Variants in EYS observed in about 807,000 individuals in gnomAD.
EYS encodes the protein protein eyes shut homolog.
Under a neutral mutation model 282.1 loss-of-function variants are expected in EYS, and 250 were observed. The ratio of observed to expected loss-of-function variants is 0.89; its 90% confidence interval spans 0.80 to 0.98. EYS has a LOEUF of 0.98. EYS is among the 50% of genes least tolerant of loss of function. The pLI is 0.00. For synonymous variants in EYS, 1,355 were observed against 1,282.9 expected (o/e 1.06, Z -1.20); for missense variants, 4,016 against 3,709.0 (o/e 1.08, Z -2.15).
chr6:65,657,965 A>G (rs891210274), intron 1 of EYS, among the ~76,000 whole-genome samples: 1 of 151,870 alleles, frequency 6.6e-6, no homozygotes, highest in Non-Finnish European at 1.5e-5. Flanking sequence ...AAACATCATA[A>G]CTTGCTGGAG....
chr6:65,701,542 A>G (rs1164041033), intron 1 of EYS, among the ~76,000 whole-genome samples: 1 of 152,196 alleles, frequency 6.6e-6, no homozygotes, highest in East Asian at 1.9e-4. Flanking sequence ...CAGTTTAAAC[A>G]TTAACTTGCA....
At chr6:65,559,326 G>A (rs1768941224) in intron 2 of EYS, among the ~76,000 whole-genome samples, 1 of 152,118 alleles carries the variant, frequency 6.6e-6, no homozygotes, top group Admixed American at 6.5e-5. Context: ...AGGTTGCAGT[G>A]AGCTGAGATC....
rs1463283418 is a variant in EYS, at chr6:63,909,956, T to C, written c.7056-45598A>G. Among the ~76,000 whole-genome samples, 7 of 152,056 alleles carry C rather than the reference T, an allele frequency of 4.6e-5. No individual in the cohort carries two copies. The South Asian group carries it at 1.5e-3, about 32-fold the overall frequency. On this transcript the variant is annotated intron_variant, in intron 35 of 42. Coordinates refer to ENST00000503581, the MANE Select transcript of EYS (RefSeq NM_001142800.2). ...GGTCATGAAGTGATATTTTTAAAAA[T>C]GAGGGAGGATGACACCTCTAAAAGA...
chr6:64,886,580 C>T (rs1767092307), intron 19 of EYS, 117 bp downstream of exon 19: 3 of 659,678 alleles, frequency 4.5e-6, no homozygotes, highest in South Asian at 8.7e-5. Flanking sequence ...TATCTCTTGA[C>T]ATTTTTGCCC....
chr6:65,646,118 A>T (rs911549529), intron 1 of EYS, among the ~76,000 whole-genome samples: 4 of 152,198 alleles, frequency 2.6e-5, no homozygotes, highest in Non-Finnish European at 4.4e-5. Context: ...AATTCAAACG[A>T]ATTCTACTGA....
At chr6:63,983,513 T>C (rs1767203896) in intron 35 of EYS, among the ~76,000 whole-genome samples, 1 of 151,788 alleles carries the variant, frequency 6.6e-6, no homozygotes, top group South Asian at 2.1e-4. Flanking sequence ...AATCCTGCTT[T>C]TTTGATAAAA....
At chr6:65,012,580 A>T (rs545550404) in intron 13 of EYS, among the ~76,000 whole-genome samples, 36 of 152,252 alleles carry the variant, frequency 2.4e-4, no homozygotes, top group African/African-American at 8.7e-4. Context: ...AAAGGTTTCA[A>T]AGTTGAGAAG....
chr6:64,092,842 G>A (rs1370650707), intron 31 of EYS, among the ~76,000 whole-genome samples: 1 of 151,656 alleles, frequency 6.6e-6, no homozygotes, highest in African/African-American at 2.4e-5. Context: ...CCTATGTCCT[G>A]AATGGTATTG....
chr6:64,982,311 T>C (rs536757441), intron 14 of EYS, among the ~76,000 whole-genome samples: 1 of 151,498 alleles, frequency 6.6e-6, no homozygotes, highest in South Asian at 2.1e-4. Context: ...CAAAGCAAGT[T>C]TAATTATAGT....
At chr6:64,276,971 C>G (rs959598776) in intron 30 of EYS, among the ~76,000 whole-genome samples, 9 of 152,196 alleles carry the variant, frequency 5.9e-5, no homozygotes, top group Admixed American at 6.5e-5. Context: ...AAATATATGA[C>G]AGCTAATTTA....
chr6:65,480,701 T>A (rs1029215292), intron 5 of EYS, among the ~76,000 whole-genome samples: 5 of 152,132 alleles, frequency 3.3e-5, no homozygotes, highest in African/African-American at 1.2e-4. Context: ...ATATATGGAA[T>A]CAACCTAGAT....
At chr6:65,372,001 A>T (rs969332652) in intron 8 of EYS, among the ~76,000 whole-genome samples, 11 of 151,830 alleles carry the variant, frequency 7.2e-5, no homozygotes, top group Non-Finnish European at 1.3e-4. Flanking sequence ...TGTAAAAAAA[A>T]AAAAAAGCAA....
intron 22 of EYS, among the ~76,000 whole-genome samples, chr6:64,697,180 C>T (rs1208580867): frequency 6.6e-6 from 1 of 151,862 alleles, no homozygotes; most frequent in African/African-American, 2.4e-5. Flanking sequence ...TTATTGGTAA[C>T]AGTATTTATA....
intron 22 of EYS, among the ~76,000 whole-genome samples, chr6:64,659,541 T>C (rs1768908391): frequency 6.6e-6 from 1 of 151,796 alleles, no homozygotes; most frequent in African/African-American, 2.4e-5. Context: ...CAATAAAAAA[T>C]GATAAAGGGG....
At chr6:64,761,534 G>A (rs1368598206) in intron 22 of EYS, among the ~76,000 whole-genome samples, 1 of 152,184 alleles carries the variant, frequency 6.6e-6, no homozygotes, top group Non-Finnish European at 1.5e-5. Context: ...AGGCTGGAAT[G>A]CAACCTCTGC....
intron 30 of EYS, among the ~76,000 whole-genome samples, chr6:64,273,859 A>C (rs1040306382): frequency 1.3e-5 from 2 of 152,150 alleles, no homozygotes; most frequent in African/African-American, 4.8e-5. Flanking sequence ...TTGCATGTTA[A>C]GTTATTAAAC....
chr6:65,227,126 G>A (rs769498057), intron 12 of EYS, among the ~76,000 whole-genome samples: 16 of 150,260 alleles, frequency 1.1e-4, no homozygotes, highest in African/African-American at 1.5e-4. Flanking sequence ...CCAGCTACTC[G>A]GGAGGCTGAG....
chr6:65,607,140 C>T (rs563484344), intron 2 of EYS, among the ~76,000 whole-genome samples: 3 of 151,760 alleles, frequency 2.0e-5, no homozygotes, highest in Non-Finnish European at 4.4e-5. Flanking sequence ...TAAATTCTCT[C>T]TCAACCACTT....
intron 22 of EYS, among the ~76,000 whole-genome samples, chr6:64,794,167 G>A (rs1252988371): frequency 1.3e-5 from 2 of 152,012 alleles, no homozygotes; most frequent in Admixed American, 6.6e-5. Flanking sequence ...GTAACATATG[G>A]CAGCTATCCC....
Sources: gnomAD v4.1 joint callset for allele counts (sites outside exome capture counted in the v4.1 genomes callset) on GRCh38, gnomAD v4.1.1 for gene constraint, MANE v1.5 for transcripts, NCBI Gene and HGNC (gene_info 2026-07-23, HGNC 2026-07-21) for gene names.